DOK6: variants seen among roughly 807,000 people sequenced by gnomAD.
DOK6 encodes the protein docking protein 6.
DOK6 carries 22 observed loss-of-function variants against 44.0 expected under a neutral mutation model. That is an observed-to-expected ratio of 0.50 (90% CI 0.36 to 0.71). The LOEUF (loss-of-function observed/expected upper bound fraction) is 0.71. Ranked by LOEUF, DOK6 falls within the 30% of genes least tolerant of loss-of-function variation. The probability of loss-of-function intolerance (pLI) is 0.00; values close to 1 mark genes in which losing one functional copy is unlikely to be tolerated. For synonymous variants in DOK6, 166 were observed against 145.5 expected (o/e 1.14, Z -1.01); for missense variants, 340 against 416.4 (o/e 0.82, Z 1.60).
At chr18:69,814,453 C>G (rs1981336668) in intron 7 of DOK6, among the ~76,000 whole-genome samples, 1 of 152,094 alleles carries the variant, frequency 6.6e-6, no homozygotes, top group African/African-American at 2.4e-5. Context: ...GCATTAGATT[C>G]TCATAAGGAA....
At chr18:69,730,108 G>C (rs532425036) in intron 5 of DOK6, among the ~76,000 whole-genome samples, 1 of 152,150 alleles carries the variant, frequency 6.6e-6, no homozygotes, top group African/African-American at 2.4e-5. Context: ...AAAACAACTG[G>C]AGTCAAAACA....
chr18:69,579,581 T>TC (rs1443514547), intron 2 of DOK6, among the ~76,000 whole-genome samples: 2 of 151,778 alleles, frequency 1.3e-5, no homozygotes, highest in Non-Finnish European at 2.9e-5. Flanking sequence ...CTTTTTTTTT[T>TC]TGAGACGGAG....
chr18:69,693,993 A>G (rs1231663349), intron 4 of DOK6, among the ~76,000 whole-genome samples: 2 of 129,962 alleles, frequency 1.5e-5, no homozygotes, highest in East Asian at 2.6e-4. Context: ...CGGGAGGCGG[A>G]GCTTGCAGCG....
chr18:69,496,110 A>G (rs187416533), intron 1 of DOK6, among the ~76,000 whole-genome samples: 392 of 152,230 alleles, frequency 2.6e-3, no homozygotes, highest in African/African-American at 8.8e-3. Flanking sequence ...GCCCAGATCT[A>G]CCGCCGTGAC....
At chr18:69,436,284 C>T (rs1978976850) in intron 1 of DOK6, among the ~76,000 whole-genome samples, 1 of 151,898 alleles carries the variant, frequency 6.6e-6, no homozygotes, top group African/African-American at 2.4e-5. Flanking sequence ...CCATCATCTA[C>T]ATTAGGTATT....
intron 5 of DOK6, among the ~76,000 whole-genome samples, chr18:69,728,420 C>CT (rs1978322599): frequency 6.6e-6 from 1 of 152,182 alleles, no homozygotes; most frequent in South Asian, 2.1e-4. Flanking sequence ...GCAAAGCTGA[C>CT]TTAATCATCT....
At chr18:69,702,306 G>A (rs1352636318) in intron 5 of DOK6, among the ~76,000 whole-genome samples, 2 of 152,044 alleles carry the variant, frequency 1.3e-5, no homozygotes, top group African/African-American at 2.4e-5. Context: ...TCTACCAGAA[G>A]GTGTACACAG....
chr18:69,599,665 TG>T (rs1249351089), intron 3 of DOK6, among the ~76,000 whole-genome samples, 167 bp downstream of exon 3: 1 of 152,232 alleles, frequency 6.6e-6, no homozygotes. Context: ...CAGATGTTTT[TG>T]TGCCTGTTGT....
chr18:69,633,761 A>G (rs1984741365), intron 3 of DOK6, among the ~76,000 whole-genome samples: 1 of 152,154 alleles, frequency 6.6e-6, no homozygotes, highest in Non-Finnish European at 1.5e-5. Context: ...ATTCTGGCAA[A>G]ATATATGCTT....
chr18:69,720,197 T>A (rs551346153), intron 5 of DOK6, among the ~76,000 whole-genome samples: 30 of 150,210 alleles, frequency 2.0e-4, no homozygotes, highest in African/African-American at 3.4e-4. Context: ...AAAAAAAAAA[T>A]TTTTTTTTTA....
At chr18:69,691,622 G>A (rs1986269863) in intron 4 of DOK6, among the ~76,000 whole-genome samples, 2 of 152,174 alleles carry the variant, frequency 1.3e-5, no homozygotes, top group Admixed American at 6.5e-5. Context: ...TGCAAGATGG[G>A]TCTGAAGCTG....
intron 1 of DOK6, among the ~76,000 whole-genome samples, chr18:69,517,546 A>T (rs367694435): frequency 2.8e-4 from 42 of 152,184 alleles, no homozygotes; most frequent in African/African-American, 1.0e-3. Flanking sequence ...TCTTGTATGT[A>T]TGTATGCATT....
intron 2 of DOK6, among the ~76,000 whole-genome samples, chr18:69,580,676 G>A (rs200555871): frequency 6.6e-5 from 10 of 151,882 alleles, no homozygotes; most frequent in Admixed American, 4.6e-4. Context: ...ATTTTTCTTT[G>A]TGTTGAGAAT....
At chr18:69,455,882 A>G (rs924732215) in intron 1 of DOK6, among the ~76,000 whole-genome samples, 1 of 152,176 alleles carries the variant, frequency 6.6e-6, no homozygotes. Flanking sequence ...TAATGACAAC[A>G]TTAATCTTAT....
chr18:69,472,286 T>A (rs1458752560), intron 1 of DOK6, among the ~76,000 whole-genome samples: 1 of 152,120 alleles, frequency 6.6e-6, no homozygotes, highest in East Asian at 1.9e-4. Flanking sequence ...CCGGGCAAGG[T>A]AAGGTGACTG....
At chr18:69,614,500 TTAAAA>T (rs1259297167) in intron 3 of DOK6, among the ~76,000 whole-genome samples, 1 of 151,972 alleles carries the variant, frequency 6.6e-6, no homozygotes, top group Non-Finnish European at 1.5e-5. Flanking sequence ...ATCAAGCTAA[TTAAAA>T]TATCTGTCAC....
At chr18:69,801,693 G>A (rs750963815) in intron 7 of DOK6, among the ~76,000 whole-genome samples, 21 of 152,054 alleles carry the variant, frequency 1.4e-4, no homozygotes, top group Non-Finnish European at 2.2e-4. Flanking sequence ...CTCTTCACAC[G>A]GTCCCTCTGG....
At chr18:69,575,880 A>G (rs571175425) in intron 2 of DOK6, among the ~76,000 whole-genome samples, 15 of 152,224 alleles carry the variant, frequency 9.9e-5, no homozygotes, top group Admixed American at 6.5e-4. Flanking sequence ...GGTGACTTCA[A>G]TGTCACCATA....
intron 1 of DOK6, among the ~76,000 whole-genome samples, chr18:69,540,754 C>T (rs1379278117): frequency 6.6e-6 from 1 of 151,678 alleles, no homozygotes; most frequent in African/African-American, 2.4e-5. Flanking sequence ...AATTAATTAC[C>T]TTATGCTTTG....
Sources: gnomAD v4.1 joint callset for allele counts (sites outside exome capture counted in the v4.1 genomes callset) on GRCh38, gnomAD v4.1.1 for gene constraint, MANE v1.5 for transcripts, NCBI Gene and HGNC (gene_info 2026-07-23, HGNC 2026-07-21) for gene names.